VPS13B: variants seen among roughly 807,000 people sequenced by gnomAD.
VPS13B encodes vacuolar protein sorting 13 homolog B.
VPS13B carries 285 observed loss-of-function variants against 426.4 expected under a neutral mutation model. That is an observed-to-expected ratio of 0.67 (90% CI 0.61 to 0.74). The LOEUF (loss-of-function observed/expected upper bound fraction) is 0.74. Ranked by LOEUF, VPS13B falls within the 30% of genes least tolerant of loss-of-function variation. VPS13B has a pLI of 0.00. For synonymous variants in VPS13B, 1,676 were observed against 1,676.4 expected, an observed-to-expected ratio of 1.00 and a Z score of 0.01; for missense variants, 4,537 against 4,782.6, an observed-to-expected ratio of 0.95 and a Z score of 1.51.
intron 19 of VPS13B, among the ~76,000 whole-genome samples, chr8:99,379,711 C>T (rs534721821): frequency 6.6e-6 from 1 of 152,100 alleles, no homozygotes; most frequent in Non-Finnish European, 1.5e-5. Flanking sequence ...TCACTTTTGT[C>T]TTCTGAATCC....
rs1814138287 is a variant in VPS13B at position 99,817,901 on chromosome 8, A to T, written c.8361+98A>T. 3 of 1,578,452 alleles carry T rather than the reference A, an allele frequency of 1.9e-6. No homozygotes were observed. In the African/African-American group the frequency reaches 4.1e-5, roughly 22 times the overall value. ...ACAGCACTTAATTTATTAAAAAGTG[A>T]CATATAAAAAAGGGGAGTGAAAGGC... On this transcript the variant is annotated intron_variant, in intron 45 of 61. Transcript: ENST00000357162.
chr8:99,854,909 T>TGGCC (rs1038652131), intron 56 of VPS13B, among the ~76,000 whole-genome samples: 8 of 152,104 alleles, frequency 5.3e-5, no homozygotes, highest in African/African-American at 1.9e-4. Flanking sequence ...AGAGAAGGAA[T>TGGCC]GGCCCATCCA....
chr8:99,092,422 C>G (rs910081104), intron 3 of VPS13B, among the ~76,000 whole-genome samples: 1 of 152,076 alleles, frequency 6.6e-6, no homozygotes. Context: ...TTTTTGAGAA[C>G]AGAGTTTCTT....
chr8:99,048,856 A>G (rs1455321023), intron 3 of VPS13B, among the ~76,000 whole-genome samples: 2 of 150,830 alleles, frequency 1.3e-5, no homozygotes, highest in African/African-American at 2.4e-5. Context: ...TGTTAAGTGC[A>G]TATGTATTTA....
At chr8:99,837,909 C>G (rs1232400497) in intron 54 of VPS13B, among the ~76,000 whole-genome samples, 1 of 152,156 alleles carries the variant, frequency 6.6e-6, no homozygotes, top group Admixed American at 6.6e-5. Context: ...AATCAAAACA[C>G]CATAAAATGC....
chr8:99,311,413 TC>T (rs973175021), intron 19 of VPS13B, among the ~76,000 whole-genome samples: 1 of 152,234 alleles, frequency 6.6e-6, no homozygotes, highest in African/African-American at 2.4e-5. Context: ...ATTTCTGCCT[TC>T]ATTTCGTTAT....
At chr8:99,485,699 A>C (rs998792335) in intron 25 of VPS13B, among the ~76,000 whole-genome samples, 1 of 152,206 alleles carries the variant, frequency 6.6e-6, no homozygotes, top group African/African-American at 2.4e-5. Flanking sequence ...CTAATAGAAA[A>C]TATTCTTATA....
intron 22 of VPS13B, among the ~76,000 whole-genome samples, chr8:99,435,752 A>T (rs1462327135): frequency 1.3e-5 from 2 of 152,170 alleles, no homozygotes; most frequent in African/African-American, 4.8e-5. Context: ...AGTCTAAGAG[A>T]TCTTCTAGAT....
chr8:99,603,457 G>A (rs891837534), intron 33 of VPS13B, among the ~76,000 whole-genome samples: 5 of 152,156 alleles, frequency 3.3e-5, no homozygotes, highest in African/African-American at 1.2e-4. Context: ...TTATAACAAT[G>A]AGCCAGCATC....
chr8:99,799,332 GCATTAGTTCATGTTTGA>G (rs1813010986), intron 43 of VPS13B: 1 of 152,156 alleles, frequency 6.6e-6, no homozygotes, highest in Non-Finnish European at 1.5e-5. Context: ...TTCCCTTCAG[GCATTAGTTCATGTTTGA>G]CTTGCTTGAC....
chr8:99,481,639 T>C lies in VPS13B; in HGVS notation c.3707T>C (p.Val1236Ala). The C allele has an allele frequency of 6.2e-7, 1 of 1,613,922 alleles. No homozygotes were observed. The highest frequency in any genetic ancestry group is 8.5e-7 in the Non-Finnish European group (1 of 1,179,878). ...FYELTDIMNK[V>A]WNKIQKRGNL... ...GAACTAACTGATATCATGAATAAGG[T>C]CTGGAACAAGATTCAGAAGAGAGGC... Residue 1236 changes from valine (V) to alanine (A), a missense_variant, in exon 25 of 62, where the codon GTC (valine) becomes GCC (alanine). Transcript: ENST00000357162.
At chr8:99,157,464 T>C (rs1028463115) in intron 15 of VPS13B, among the ~76,000 whole-genome samples, 2 of 152,228 alleles carry the variant, frequency 1.3e-5, no homozygotes, top group African/African-American at 2.4e-5. Context: ...GATGTTGCTA[T>C]TGTAACTGTT....
intron 36 of VPS13B, among the ~76,000 whole-genome samples, chr8:99,709,249 T>C (rs1832617591): frequency 6.6e-6 from 1 of 152,208 alleles, no homozygotes; most frequent in Non-Finnish European, 1.5e-5. Context: ...AGCAATGTCA[T>C]CATTGACTAC....
At chr8:99,182,688 G>C (rs975721382) in intron 16 of VPS13B, among the ~76,000 whole-genome samples, 11 of 152,174 alleles carry the variant, frequency 7.2e-5, no homozygotes, top group African/African-American at 2.7e-4. Context: ...TTTTTCACCT[G>C]TGGAGAAGGA....
At chr8:99,180,982 A>C (rs974852679) in intron 16 of VPS13B, among the ~76,000 whole-genome samples, 1 of 152,240 alleles carries the variant, frequency 6.6e-6, no homozygotes, top group Non-Finnish European at 1.5e-5. Flanking sequence ...GATCCTTACA[A>C]CTTTTCTGCT....
chr8:99,823,445 T>C (rs1206377582), intron 50 of VPS13B, among the ~76,000 whole-genome samples: 1 of 151,788 alleles, frequency 6.6e-6, no homozygotes, highest in African/African-American at 2.4e-5. Flanking sequence ...TGGGAGACCA[T>C]GAGGAGGAGG....
At chr8:99,381,662 T>C (rs546881472) in intron 19 of VPS13B, among the ~76,000 whole-genome samples, 1 of 152,262 alleles carries the variant, frequency 6.6e-6, no homozygotes, top group South Asian at 2.1e-4. Context: ...ATCAATGATG[T>C]TGAGTTTTTT....
At chr8:99,162,348 C>T (rs1229031990) in intron 15 of VPS13B, among the ~76,000 whole-genome samples, 1 of 152,188 alleles carries the variant, frequency 6.6e-6, no homozygotes, top group Admixed American at 6.5e-5. Flanking sequence ...CAATTAAGTA[C>T]TTAAACAAAT....
chr8:99,494,718 G>A (rs958365821), intron 25 of VPS13B, among the ~76,000 whole-genome samples: 62 of 152,010 alleles, frequency 4.1e-4, no homozygotes, highest in African/African-American at 1.4e-3. Flanking sequence ...GAGGACTTTA[G>A]TAGTTTTTGA....
Sources: gnomAD v4.1 joint callset for allele counts (sites outside exome capture counted in the v4.1 genomes callset) on GRCh38, gnomAD v4.1.1 for gene constraint, MANE v1.5 for transcripts, NCBI Gene and HGNC (gene_info 2026-07-23, HGNC 2026-07-21) for gene names.